DHDH: variants seen among roughly 807,000 people sequenced by gnomAD.
The protein encoded by DHDH is trans-1,2-dihydrobenzene-1,2-diol dehydrogenase.
A neutral mutation model predicts 33.2 loss-of-function variants in DHDH; 29 were observed. The observed-to-expected ratio is 0.87, with a 90% CI of 0.65 to 1.19. DHDH has a LOEUF of 1.19. Ranked by LOEUF, DHDH falls within the 50% of genes most tolerant of loss-of-function variation. DHDH has a pLI of 0.00. For synonymous variants in DHDH, 201 were observed against 187.9 expected (o/e 1.07, Z -0.57); for missense variants, 431 against 455.0 (o/e 0.95, Z 0.48).
upstream of DHDH, chr19:48,933,596 CA>C (rs1219989587): frequency 3.6e-6 from 3 of 837,728 alleles, no homozygotes; most frequent in Non-Finnish European, 5.9e-6. Flanking sequence ...CGACTGGAGC[CA>C]ACGAGAATCG....
At position 48,935,102 on chromosome 19, in the gene DHDH, C is replaced by T. The variant is rs764176579; in HGVS notation, c.193C>T (p.Pro65Ser). 3.8e-6 allele frequency: 6 copies of T among 1,572,976 alleles called. No individual in the cohort carries two copies. The South Asian group carries it at 4.7e-5, about 12-fold the overall frequency. ...CTCCTATGAGGAGCTGGCCAAGGAC[C>T]CGAGCGTGGGTGAGTGGCGAGGGCG... Reference protein sequence around the residue: ...YGSYEELAKDPSVEVAYIGTQ... With the variant: ...YGSYEELAKDSSVEVAYIGTQ... Residue 65 changes from proline (P) to serine (S), a missense_variant, in exon 2 of 7, where the codon CCG becomes TCG. Physicochemically the swap from Pro to Ser is moderately conservative, Grantham distance 74 (BLOSUM62 -1). Transcript: ENST00000221403.
chr19:48,937,680 C>T (rs921352402), intron 3 of DHDH, among the ~76,000 whole-genome samples: 10 of 151,984 alleles, frequency 6.6e-5, no homozygotes, highest in Middle Eastern at 3.4e-3. Flanking sequence ...GGCGTGGTGG[C>T]GGGCGCCTGT....
rs1321612738 is a variant in DHDH, at chr19:48,936,030, A to C, written c.203-2A>C. 10 of 1,596,370 alleles carry C rather than the reference A, an allele frequency of 6.3e-6. No individual in the cohort carries two copies. The highest frequency in any genetic ancestry group is 8.5e-6 in the Non-Finnish European group (10 of 1,172,990). ...TGACCTCTTGACCTACTCCCACCCT[A>C]GAGGTGGCCTACATTGGCACCCAGC... On this transcript the variant is annotated splice_acceptor_variant, in intron 2 of 6. Coordinates refer to ENST00000221403, the MANE Select transcript of DHDH (RefSeq NM_014475.4). LOFTEE classifies it high-confidence loss of function.
Position 48,942,469 on chromosome 19 carries a change from C to A in DHDH, c.649C>A (p.Gln217Lys). 1.2e-6 allele frequency: 2 copies of A among 1,612,760 alleles called. No homozygotes were observed. Among genetic ancestry groups the A allele is most frequent in the South Asian group, 2.2e-5 (2 of 90,952 alleles). Residue 217 changes from glutamine to lysine, a missense_variant, in exon 5 of 7, where the codon CAG becomes AAG. Coordinates refer to ENST00000221403, the MANE Select transcript of DHDH (RefSeq NM_014475.4). ...GVDDTVTVLL[Q>K]YPGEVHGSFT... ...GGATGACACTGTCACGGTGCTCCTG[C>A]AGTACCCAGGGGAGGTCCATGGCAG... is the stretch of plus-strand genomic sequence containing the variant.
chr19:48,943,147 G>A (rs986417925), intron 5 of DHDH, among the ~76,000 whole-genome samples: 1 of 152,080 alleles, frequency 6.6e-6, no homozygotes, highest in Non-Finnish European at 1.5e-5. Flanking sequence ...GGCTGAAGCT[G>A]GTGGATCACT....
intron 5 of DHDH, 118 bp from the exon 6 acceptor site, chr19:48,944,239 A>G: frequency 7.2e-7 from 1 of 1,396,812 alleles, no homozygotes; most frequent in Non-Finnish European, 9.9e-7. Context: ...GGACAGGGCA[A>G]GCTCTTAGCC....
In DHDH at chr19:48,944,484, A is replaced by G. The variant is rs764258800; in HGVS notation, c.872A>G (p.His291Arg). The change falls in exon 6 of 7, where the codon CAC (histidine) becomes CGC (arginine). Residue 291 changes from histidine to arginine, a missense_variant. His to Arg is a conservative substitution (Grantham distance 29, BLOSUM62 0). Coordinates refer to ENST00000221403, the MANE Select transcript of DHDH (RefSeq NM_014475.4). The stretch of plus-strand genomic sequence containing the variant: ...GCAGGCATGAGTTATGAGGCCAAGC[A>G]CGTCTGGGAGTGCCTACGCAAGGGT... ...NGAGMSYEAK[H>R]VWECLRKGMK... is the part of the protein sequence containing the mutation. 6.2e-7 allele frequency: 1 copy of G among 1,609,924 alleles called. No homozygotes were observed. Among genetic ancestry groups the G allele is most frequent in the African/African-American group, 1.3e-5 (1 of 74,976 alleles).
intron 3 of DHDH, among the ~76,000 whole-genome samples, chr19:48,939,237 C>T (rs941906438): frequency 1.3e-5 from 2 of 150,964 alleles, no homozygotes; most frequent in African/African-American, 2.4e-5. Flanking sequence ...CCCAGGAGTT[C>T]GAGACCAGCC....
At chr19:48,933,371 A>G (rs2037728746), upstream of DHDH, among the ~76,000 whole-genome samples, 1 of 152,218 alleles carries the variant, frequency 6.6e-6, no homozygotes, top group Non-Finnish European at 1.5e-5. Context: ...CACAAAGTCC[A>G]GAGGGCAAGA....
chr19:48,933,898 C>A, intron 1 of DHDH, 87 bp downstream of exon 1: 2 of 1,241,856 alleles, frequency 1.6e-6, no homozygotes, highest in Non-Finnish European at 2.3e-6. Flanking sequence ...GGGTTCAGGA[C>A]TAGTGAGTGG....
intron 3 of DHDH, among the ~76,000 whole-genome samples, chr19:48,938,449 GA>G (rs1364327920): frequency 6.6e-6 from 1 of 151,994 alleles, no homozygotes; most frequent in African/African-American, 2.4e-5. Context: ...TTTCTACATA[GA>G]TGATGTCATC....
chr19:48,936,025 A>T lies in DHDH; in HGVS notation c.203-7A>T. ...GCTGCTGACCTCTTGACCTACTCCC[A>T]CCCTAGAGGTGGCCTACATTGGCAC... is the stretch of plus-strand genomic sequence containing the variant. On this transcript the variant is annotated splice_polypyrimidine_tract_variant and splice_region_variant and intron_variant, in intron 2 of 6. Transcript: ENST00000221403. 6.3e-7 allele frequency: 1 copy of T among 1,592,298 alleles called. No homozygotes were observed. Among genetic ancestry groups the T allele is most frequent in the Non-Finnish European group, 8.5e-7 (1 of 1,171,176 alleles).
At chr19:48,935,823 A>C (rs2037764863) in intron 2 of DHDH, among the ~76,000 whole-genome samples, 1 of 152,158 alleles carries the variant, frequency 6.6e-6, no homozygotes, top group Non-Finnish European at 1.5e-5. Context: ...CTCCAAAAAA[A>C]AAATTAATTA....
intron 3 of DHDH, among the ~76,000 whole-genome samples, chr19:48,936,853 G>A (rs552879941): frequency 7.0e-4 from 106 of 151,624 alleles, no homozygotes; most frequent in African/African-American, 2.3e-3. Flanking sequence ...GCGCGATCTC[G>A]GCTCACTGCA....
In DHDH at chr19:48,935,918, G is replaced by A; in HGVS notation, c.203-114G>A. On this transcript the variant is annotated intron_variant, in intron 2 of 6. Coordinates refer to ENST00000221403, the MANE Select transcript of DHDH (RefSeq NM_014475.4). ...AGGACAGCTCCCTAAGGGAGACAGG[G>A]GTGTGACCGACCACCTGGTCCCTGG... 2.3e-6 allele frequency: 3 copies of A among 1,316,230 alleles called. No individual in the cohort carries two copies. The East Asian group carries it at 7.6e-5, about 33-fold the overall frequency. 81.5% of individuals were successfully genotyped at this position (1,316,230 alleles called of 1,614,324 possible). A position where few individuals can be genotyped will look rare whatever the true frequency, so the allele number is the denominator to read the frequency against.
chr19:48,935,089 G>T lies in DHDH; in HGVS notation c.180G>T (p.Glu60Asp). ...DIPKAYGSYE[E>D]LAKDPSVEVA... ...CCAAGGCCTACGGCTCCTATGAGGA[G>T]CTGGCCAAGGACCCGAGCGTGGGTG... The change falls in exon 2 of 7, where the codon GAG (glutamate) becomes GAT (aspartate). Residue 60 changes from glutamate (E) to aspartate (D), a missense_variant. Glu to Asp is a conservative substitution (Grantham distance 45). Coordinates refer to ENST00000221403, the MANE Select transcript of DHDH (RefSeq NM_014475.4). 6.3e-7 allele frequency: 1 copy of T among 1,583,102 alleles called. No homozygotes were observed. The highest frequency in any genetic ancestry group is 2.3e-5 in the East Asian group (1 of 43,442).
chr19:48,939,375 G>A, intron 3 of DHDH, 74 bp from the exon 4 acceptor site: 2 of 1,521,052 alleles, frequency 1.3e-6, no homozygotes, highest in Non-Finnish European at 8.9e-7. Flanking sequence ...GGGTTGCAGT[G>A]GGTATCCCCC....
At chr19:48,935,682 T>C (rs1330232921) in intron 2 of DHDH, among the ~76,000 whole-genome samples, 1 of 151,332 alleles carries the variant, frequency 6.6e-6, no homozygotes, top group Admixed American at 6.6e-5. Flanking sequence ...CCGGGCATGG[T>C]GGCGGGCGCC....
In DHDH at chr19:48,939,472, T is replaced by G. The variant is rs1159040960; in HGVS notation, c.390T>G (p.Pro130=). The G allele has an allele frequency of 1.2e-6, 2 of 1,613,128 alleles. No homozygotes were observed. The highest frequency in any genetic ancestry group is 1.7e-5 in the Admixed American group (1 of 59,976). ...LMEAIWTRFF[P]ASEALRSVLA... ...AGGCCATCTGGACCCGCTTCTTTCC[T>G]GCCTCCGAGGCTCTGAGGTCTGTTT... Residue 130 remains proline (P), a synonymous_variant, in exon 4 of 7, where the codon CCT becomes CCG. Transcript: ENST00000221403.
Sources: allele counts gnomAD v4.1 joint callset (sites outside exome capture counted in the v4.1 genomes callset), GRCh38; gene constraint gnomAD v4.1.1; transcripts MANE v1.5; gene names NCBI Gene and HGNC (gene_info 2026-07-23, HGNC 2026-07-21).